The following MARCHF1 variants were observed in gnomAD, a reference collection of about 807,000 sequenced individuals.
MARCHF1 encodes the protein membrane associated ring-CH-type finger 1.
Under a neutral mutation model 54.2 loss-of-function variants are expected in MARCHF1, and 40 were observed. That is an observed-to-expected ratio of 0.74 (90% CI 0.57 to 0.96). MARCHF1 has a LOEUF of 0.96. MARCHF1 is among the 40% of genes least tolerant of loss of function. MARCHF1 has a pLI of 0.00. For synonymous variants in MARCHF1, 236 were observed against 236.3 expected (o/e 1.00, Z 0.01); for missense variants, 586 against 656.5 (o/e 0.89, Z 1.17).
intron 4 of MARCHF1, among the ~76,000 whole-genome samples, chr4:163,732,999 A>G (rs1161389773): frequency 6.6e-6 from 1 of 150,712 alleles, no homozygotes; most frequent in Non-Finnish European, 1.5e-5. Context: ...TAAAAATATA[A>G]AAATTAGCCA....
At chr4:163,739,305 G>A (rs1746131051) in intron 4 of MARCHF1, among the ~76,000 whole-genome samples, 1 of 152,090 alleles carries the variant, frequency 6.6e-6, no homozygotes. Flanking sequence ...GTGAAATACA[G>A]GATCACTGGA....
At chr4:164,195,118 C>T (rs1382491072) in intron 1 of MARCHF1, among the ~76,000 whole-genome samples, 1 of 152,014 alleles carries the variant, frequency 6.6e-6, no homozygotes, top group East Asian at 1.9e-4. Context: ...TTTCCAGCAT[C>T]ATCCATGTCT....
At position 163,739,421 on chromosome 4, in the gene MARCHF1, T is replaced by C. The variant is rs1746134070; in HGVS notation, c.112-38558A>G. ...TTATATACTAGAAAATTCAGTATGA[T>C]GAAAACGACATCCCCGCTTTTGACA... On this transcript the variant is annotated intron_variant, in intron 4 of 9. Coordinates refer to ENST00000514618, the MANE Select transcript of MARCHF1 (RefSeq NM_001394959.1). Among the ~76,000 whole-genome samples, 3 of 152,322 alleles carry C rather than the reference T, an allele frequency of 2.0e-5. No homozygotes were observed. In the South Asian group the frequency reaches 6.2e-4, roughly 32 times the overall value.
intron 8 of MARCHF1, among the ~76,000 whole-genome samples, chr4:163,580,538 T>C (rs761626464): frequency 3.3e-5 from 5 of 152,140 alleles, no homozygotes; most frequent in Non-Finnish European, 7.4e-5. Context: ...CAAACCCAGA[T>C]AGAAAGGCTT....
chr4:164,259,411 G>T (rs1216124574), intron 1 of MARCHF1, among the ~76,000 whole-genome samples: 1 of 151,748 alleles, frequency 6.6e-6, no homozygotes, highest in Non-Finnish European at 1.5e-5. Context: ...GGAGGTAGTG[G>T]TGTGCACCTG....
intron 3 of MARCHF1, among the ~76,000 whole-genome samples, chr4:163,928,620 TA>T (rs1751589414): frequency 6.6e-6 from 1 of 151,970 alleles, no homozygotes; most frequent in South Asian, 2.1e-4. Context: ...AAAGTCTGGA[TA>T]GAAATGGCAT....
intron 5 of MARCHF1, among the ~76,000 whole-genome samples, chr4:163,654,146 A>G (rs1171857839): frequency 6.6e-6 from 1 of 151,726 alleles, no homozygotes; most frequent in Non-Finnish European, 1.5e-5. Flanking sequence ...TGTTAAATAT[A>G]TGGTGACATA....
At chr4:163,661,095 G>C (rs1489686813) in intron 5 of MARCHF1, among the ~76,000 whole-genome samples, 2 of 151,876 alleles carry the variant, frequency 1.3e-5, no homozygotes, top group Non-Finnish European at 2.9e-5. Flanking sequence ...TTGTCTTTCT[G>C]ATTCTTCCTG....
At chr4:163,711,777 A>C (rs1211017932) in intron 4 of MARCHF1, among the ~76,000 whole-genome samples, 1 of 152,168 alleles carries the variant, frequency 6.6e-6, no homozygotes, top group Non-Finnish European at 1.5e-5. Flanking sequence ...GTATACAACT[A>C]TCTCTTATAT....
intron 5 of MARCHF1, among the ~76,000 whole-genome samples, chr4:163,622,958 A>G (rs1205286414): frequency 2.6e-5 from 4 of 152,188 alleles, no homozygotes; most frequent in Non-Finnish European, 4.4e-5. Context: ...AAGTGGCACT[A>G]CACTGGTATG....
At chr4:164,370,641 G>A (rs1731012152) in intron 1 of MARCHF1, among the ~76,000 whole-genome samples, 1 of 152,220 alleles carries the variant, frequency 6.6e-6, no homozygotes, top group Admixed American at 6.5e-5. Context: ...GGGCACAGTG[G>A]CTCATGCCTG....
At position 163,610,449 on chromosome 4, in the gene MARCHF1, G is replaced by A. The variant is rs1313086983; in HGVS notation, c.1010+1822C>T. Among the ~76,000 whole-genome samples the A allele has an allele frequency of 2.0e-5, 3 of 151,922 alleles. No homozygotes were observed. In the South Asian group the frequency reaches 6.2e-4, roughly 31 times the overall value. ...CTTTGAAAATGTTTCTCCAGAGTAG[G>A]GTTTTTAAGTAAGGAGAACCAGTCA... On this transcript the variant is annotated intron_variant, in intron 7 of 9. Coordinates refer to ENST00000514618, the MANE Select transcript of MARCHF1 (RefSeq NM_001394959.1).
chr4:164,019,506 A>T (rs1413114293), intron 2 of MARCHF1, among the ~76,000 whole-genome samples: 1 of 152,164 alleles, frequency 6.6e-6, no homozygotes, highest in East Asian at 1.9e-4. Flanking sequence ...TTGTTGAGGG[A>T]AATAGAACAC....
intron 5 of MARCHF1, among the ~76,000 whole-genome samples, chr4:163,623,911 A>G (rs1019257796): frequency 6.6e-6 from 1 of 152,130 alleles, no homozygotes; most frequent in African/African-American, 2.4e-5. Context: ...GATACTAGAA[A>G]TAGTGCCAGA....
intron 1 of MARCHF1, among the ~76,000 whole-genome samples, chr4:164,340,671 C>T (rs1337853431): frequency 2.0e-5 from 3 of 151,692 alleles, no homozygotes; most frequent in Non-Finnish European, 4.4e-5. Flanking sequence ...AATCTGCCCA[C>T]CTTGGCCTTT....
intron 1 of MARCHF1, among the ~76,000 whole-genome samples, chr4:164,313,704 C>T (rs994084314): frequency 1.3e-5 from 2 of 152,226 alleles, no homozygotes; most frequent in East Asian, 1.9e-4. Context: ...TAACAGAATG[C>T]ATCATCTTCC....
At position 163,612,884 on chromosome 4, in the gene MARCHF1, C is replaced by A. The variant is rs1226687350; in HGVS notation, c.397G>T (p.Glu133Ter). 2.0e-6 allele frequency: 3 copies of A among 1,535,368 alleles called. No individual in the cohort carries two copies. The Admixed American group carries it at 5.9e-5, about 30-fold the overall frequency. The change falls in exon 7 of 10, where the codon GAA (glutamate) becomes TAA (stop). Residue 133 changes from glutamate to a stop codon, truncating the protein, a stop_gained. Transcript: ENST00000514618. LOFTEE classifies it high-confidence loss of function. The part of the protein sequence containing the change: ...KASERYEHAA[E>*]EQIRGRKNDF... Reference sequence around the variant, plus strand: ...TTTTTTCTCCCTCTTATTTGTTCTTCTGCAGCATGCTCATATCTCTCAGAG... The same window carrying A: ...TTTTTTCTCCCTCTTATTTGTTCTTATGCAGCATGCTCATATCTCTCAGAG...
intron 1 of MARCHF1, among the ~76,000 whole-genome samples, chr4:164,152,742 T>A (rs1285381984): frequency 6.6e-6 from 1 of 152,154 alleles, no homozygotes; most frequent in Non-Finnish European, 1.5e-5. Context: ...TCTAAAAGCT[T>A]ATCTGCACAA....
At chr4:163,842,898 T>C (rs1216652934) in intron 4 of MARCHF1, among the ~76,000 whole-genome samples, 1 of 152,116 alleles carries the variant, frequency 6.6e-6, no homozygotes, top group Non-Finnish European at 1.5e-5. Flanking sequence ...GGGATGCATG[T>C]GCGGTGTGTT....
Sources: gnomAD v4.1 joint callset for allele counts (sites outside exome capture counted in the v4.1 genomes callset) on GRCh38, gnomAD v4.1.1 for gene constraint, MANE v1.5 for transcripts, NCBI Gene and HGNC (gene_info 2026-07-23, HGNC 2026-07-21) for gene names.